EIPR1: variants seen among roughly 807,000 people sequenced by gnomAD.
EIPR1 encodes the protein EARP complex and GARP complex interacting protein 1, also known as EARP and GARP complex-interacting protein 1.
EIPR1 carries 25 observed loss-of-function variants against 48.1 expected under a neutral mutation model. The ratio of observed to expected loss-of-function variants is 0.52; its 90% CI spans 0.38 to 0.73. EIPR1 has a LOEUF of 0.73. EIPR1 is among the 30% of genes least tolerant of loss of function. The pLI, the probability that EIPR1 is intolerant of heterozygous loss-of-function variation, is 0.00. For missense variants in EIPR1, 415 were observed against 506.2 expected, an observed-to-expected ratio of 0.82 and a Z score of 1.73; for synonymous variants, 204 against 201.9, an observed-to-expected ratio of 1.01 and a Z score of -0.09.
chr2:3,310,581 A>G (rs1282888755), intron 3 of EIPR1, among the ~76,000 whole-genome samples: 1 of 136,472 alleles, frequency 7.3e-6, no homozygotes, highest in African/African-American at 2.8e-5. Flanking sequence ...TGAACCCGGG[A>G]GGCGGAGCTT....
At chr2:3,192,688 C>A (rs1324866516) in intron 7 of EIPR1, 107 bp from the exon 8 acceptor site, 1 of 1,142,500 alleles carries the variant, frequency 8.8e-7, no homozygotes, top group African/African-American at 1.6e-5. Context: ...TCACGTTAGG[C>A]ACTGCCAGGC....
intron 4 of EIPR1, among the ~76,000 whole-genome samples, chr2:3,214,907 A>C (rs1239463626): frequency 6.6e-6 from 1 of 152,148 alleles, no homozygotes; most frequent in Non-Finnish European, 1.5e-5. Context: ...TGGGGACCTC[A>C]CAATGGGATT....
chr2:3,368,532 G>C (rs999651571), intron 1 of EIPR1, among the ~76,000 whole-genome samples: 3 of 152,170 alleles, frequency 2.0e-5, no homozygotes, highest in African/African-American at 7.2e-5. Flanking sequence ...CATGGGCAGA[G>C]CCACCACTGC....
Position 3,303,300 on chromosome 2 carries a change from C to A in EIPR1, c.259+34717G>T, listed in dbSNP as rs114295178. Reference sequence around the variant, plus strand: ...ATGCCGAGGGCCAGGCTAAGGGGAGCCTCTGGGGGCCAAGCTCGGAGCCTC... The same window carrying A: ...ATGCCGAGGGCCAGGCTAAGGGGAGACTCTGGGGGCCAAGCTCGGAGCCTC... On this transcript the variant is annotated intron_variant, in intron 3 of 8. Transcript: ENST00000382125. 2.7e-3 allele frequency among the ~76,000 whole-genome samples: 404 copies of A among 152,324 alleles called. 1 individual carries two copies. Among genetic ancestry groups the A allele is most frequent in the African/African-American group, 9.3e-3 (388 of 41,574 alleles).
At chr2:3,219,794 G>A (rs570575828) in intron 4 of EIPR1, among the ~76,000 whole-genome samples, 19 of 150,828 alleles carry the variant, frequency 1.3e-4, no homozygotes, top group Non-Finnish European at 2.1e-4. Flanking sequence ...GTGCACACCC[G>A]GCATGGCTCT....
rs1410516540 is a variant in EIPR1 at position 3,203,784 on chromosome 2, G to T, written c.517-6767C>A. Reference sequence around the variant, plus strand: ...GATCTGGGCTTCATCTTGCTGGCTGGGATGAGGCAAGCTCCACACTGTGGG... The same window carrying T: ...GATCTGGGCTTCATCTTGCTGGCTGTGATGAGGCAAGCTCCACACTGTGGG... On this transcript the variant is annotated intron_variant, in intron 5 of 8. Transcript: ENST00000382125. 8.5e-5 allele frequency among the ~76,000 whole-genome samples: 13 copies of T among 152,342 alleles called. No homozygotes were observed. The East Asian group carries it at 2.5e-3, about 29-fold the overall frequency.
intron 3 of EIPR1, among the ~76,000 whole-genome samples, chr2:3,327,706 C>A (rs1669742068): frequency 6.6e-6 from 1 of 152,180 alleles, no homozygotes; most frequent in African/African-American, 2.4e-5. Context: ...GTAAATGAGG[C>A]CTCTGGCCTT....
chr2:3,354,424 T>C (rs763633910), intron 2 of EIPR1, 126 bp downstream of exon 2: 2 of 795,336 alleles, frequency 2.5e-6, no homozygotes, highest in Non-Finnish European at 2.0e-6. Context: ...TAAATCCAAA[T>C]GAAAGTTTTA....
chr2:3,303,502 C>A (rs1668820505), intron 3 of EIPR1, among the ~76,000 whole-genome samples: 1 of 152,274 alleles, frequency 6.6e-6, no homozygotes, highest in Non-Finnish European at 1.5e-5. Flanking sequence ...GCAGCCCCCA[C>A]TGTCCCCTCA....
intron 1 of EIPR1, among the ~76,000 whole-genome samples, chr2:3,371,976 T>C (rs56132041): frequency 0.16 from 24,538 of 152,038 alleles, 2,212 homozygotes; most frequent in Non-Finnish European, 0.2. Context: ...GACCACATAG[T>C]TGGAAGTAAA....
intron 3 of EIPR1, among the ~76,000 whole-genome samples, chr2:3,335,741 A>C (rs1320804365): frequency 6.6e-6 from 1 of 151,972 alleles, no homozygotes; most frequent in African/African-American, 2.4e-5. Flanking sequence ...TGGTTGTTTG[A>C]AGGTGTGTGG....
rs181383189 is a variant in EIPR1, at chr2:3,366,792, C to T, written c.42+10856G>A. Among the ~76,000 whole-genome samples the T allele has an allele frequency of 3.6e-3, 555 of 152,306 alleles. 3 individuals carry two copies. Among genetic ancestry groups the T allele is most frequent in the African/African-American group, 0.013 (528 of 41,568 alleles). On this transcript the variant is annotated intron_variant, in intron 1 of 8. Coordinates refer to ENST00000382125, the MANE Select transcript of EIPR1 (RefSeq NM_003310.5). ...TCAACTGGCCGGGCGCGGTGGCTCA[C>T]GCCTGTAATCCCAGCACTTTGGGAT...
chr2:3,302,578 G>A (rs985590939), intron 3 of EIPR1, among the ~76,000 whole-genome samples: 1 of 152,236 alleles, frequency 6.6e-6, no homozygotes, highest in Admixed American at 6.5e-5. Context: ...GTTGGTGGAT[G>A]GCGACAGGCC....
chr2:3,281,680 A>G (rs1199594475), intron 3 of EIPR1, among the ~76,000 whole-genome samples: 2 of 152,154 alleles, frequency 1.3e-5, no homozygotes, highest in Admixed American at 1.3e-4. Context: ...AACAGCATTG[A>G]CATTCATTAT....
chr2:3,194,693 GA>G (rs1202450355), intron 6 of EIPR1, among the ~76,000 whole-genome samples: 7 of 29,952 alleles, frequency 2.3e-4, no homozygotes, highest in Admixed American at 3.8e-4. Context: ...GAGAGAGAGA[GA>G]AAGGGGGGGG....
At chr2:3,319,026 C>A (rs12618407) in intron 3 of EIPR1, 196,895 of 456,566 alleles carry the variant, frequency 0.43, 45,554 homozygotes, top group East Asian at 0.83. Context: ...GGGTCCATAA[C>A]ATCTAATTTT....
At chr2:3,226,975 T>C (rs1572327114) in intron 4 of EIPR1, among the ~76,000 whole-genome samples, 1 of 152,232 alleles carries the variant, frequency 6.6e-6, no homozygotes, top group Non-Finnish European at 1.5e-5. Flanking sequence ...TGTAAGTCCA[T>C]TGAACCTCTT....
chr2:3,190,609 G>A (rs1368652968), intron 8 of EIPR1, among the ~76,000 whole-genome samples: 4 of 152,054 alleles, frequency 2.6e-5, no homozygotes, highest in Non-Finnish European at 5.9e-5. Context: ...AGAAGACAAC[G>A]CCAGCAGTCT....
chr2:3,234,442 C>T (rs537514372), intron 4 of EIPR1, among the ~76,000 whole-genome samples: 10 of 152,222 alleles, frequency 6.6e-5, no homozygotes, highest in Admixed American at 4.6e-4. Context: ...GGGACACCCA[C>T]GTGGGAGGAC....
Sources: gnomAD v4.1 joint callset for allele counts (sites outside exome capture counted in the v4.1 genomes callset) on GRCh38, gnomAD v4.1.1 for gene constraint, MANE v1.5 for transcripts, NCBI Gene and HGNC (gene_info 2026-07-23, HGNC 2026-07-21) for gene names.